FAT3: variants seen among roughly 807,000 people sequenced by gnomAD.
The protein encoded by FAT3 is protocadherin Fat 3.
Under a neutral mutation model 310.2 loss-of-function variants are expected in FAT3, and 95 were observed. The ratio of observed to expected loss-of-function variants is 0.31; its 90% CI spans 0.26 to 0.36. FAT3 has a LOEUF of 0.36. Ranked by LOEUF, FAT3 falls within the 10% of genes least tolerant of loss-of-function variation. FAT3 has a pLI of 1.00. For synonymous variants in FAT3, 2,314 were observed against 2,192.9 expected, an observed-to-expected ratio of 1.06 and a Z score of -1.54; for missense variants, 5,408 against 5,715.6, an observed-to-expected ratio of 0.95 and a Z score of 1.74.
chr11:92,433,176 G>A (rs1253258211), intron 2 of FAT3, among the ~76,000 whole-genome samples: 2 of 152,180 alleles, frequency 1.3e-5, no homozygotes, highest in African/African-American at 4.8e-5. Flanking sequence ...TGGCCCCATG[G>A]GGGTAGGATC....
chr11:92,684,467 A>G (rs1943573589), intron 3 of FAT3, among the ~76,000 whole-genome samples: 1 of 152,154 alleles, frequency 6.6e-6, no homozygotes, highest in Admixed American at 6.5e-5. Flanking sequence ...TGCACATTTC[A>G]GGTCTGCCAC....
chr11:92,488,199 A>G (rs1952483022), intron 2 of FAT3, among the ~76,000 whole-genome samples: 1 of 152,078 alleles, frequency 6.6e-6, no homozygotes, highest in South Asian at 2.1e-4. Context: ...TCACAGTCCT[A>G]TAACCACAAG....
chr11:92,848,442 C>T (rs868188595), intron 19 of FAT3, among the ~76,000 whole-genome samples: 5 of 152,250 alleles, frequency 3.3e-5, no homozygotes, highest in Middle Eastern at 3.4e-3. Context: ...TAGATGTCCT[C>T]GAGCCCGTAT....
intron 4 of FAT3, among the ~76,000 whole-genome samples, chr11:92,737,503 A>G (rs1050418798): frequency 2.6e-5 from 4 of 152,056 alleles, no homozygotes; most frequent in Admixed American, 6.6e-5. Flanking sequence ...GTGTGTGTAT[A>G]TATACATCAC....
rs529592397 is a variant in FAT3, at chr11:92,339,121, C to T, written c.-17-12975C>T. On this transcript the variant is annotated intron_variant, in intron 1 of 27. Transcript: ENST00000525166. ...CTTCCCAATATAGTTGAATTAGTTC[C>T]GCTAATCTAGGGTTTCTCAACTTCA... 1.3e-4 allele frequency among the ~76,000 whole-genome samples: 20 copies of T among 152,126 alleles called. No individual in the cohort carries two copies. In the South Asian group the frequency reaches 2.7e-3, roughly 21 times the overall value.
chr11:92,772,508 C>A (rs961891047), intron 6 of FAT3, among the ~76,000 whole-genome samples: 2 of 151,982 alleles, frequency 1.3e-5, no homozygotes. Context: ...AGCCTAGACT[C>A]CCCCCTCTCT....
chr11:92,247,184 A>T (rs1201353), intron 1 of FAT3, among the ~76,000 whole-genome samples: 13 of 151,754 alleles, frequency 8.6e-5, no homozygotes, highest in Admixed American at 7.9e-4. Context: ...GAGTGTAGTC[A>T]GGAATATAGG....
At chr11:92,603,737 A>T (rs983737932) in intron 3 of FAT3, among the ~76,000 whole-genome samples, 1 of 152,218 alleles carries the variant, frequency 6.6e-6, no homozygotes, top group Non-Finnish European at 1.5e-5. Context: ...GAAAAGCTGT[A>T]AACAGTCCAC....
intron 1 of FAT3, among the ~76,000 whole-genome samples, chr11:92,294,558 C>A (rs1946799407): frequency 6.6e-6 from 1 of 152,094 alleles, no homozygotes; most frequent in South Asian, 2.1e-4. Context: ...GATTTGTGAG[C>A]CTTGAGAGAC....
At chr11:92,247,970 A>T (rs909560385) in intron 1 of FAT3, among the ~76,000 whole-genome samples, 3 of 151,974 alleles carry the variant, frequency 2.0e-5, no homozygotes, top group African/African-American at 7.2e-5. Context: ...ACACAGCAAG[A>T]CCCTGTCTCA....
At chr11:92,641,510 T>G (rs1941962567) in intron 3 of FAT3, among the ~76,000 whole-genome samples, 1 of 152,142 alleles carries the variant, frequency 6.6e-6, no homozygotes. Context: ...TCCTCCAGCT[T>G]CCAGTGGCTC....
intron 1 of FAT3, among the ~76,000 whole-genome samples, chr11:92,246,949 G>T (rs1450920835): frequency 1.3e-5 from 2 of 152,098 alleles, no homozygotes; most frequent in Non-Finnish European, 2.9e-5. Flanking sequence ...GGTGGAGAAA[G>T]AAATGAAACT....
intron 2 of FAT3, among the ~76,000 whole-genome samples, chr11:92,372,188 A>C (rs2134720985): frequency 6.6e-6 from 1 of 152,222 alleles, no homozygotes; most frequent in East Asian, 1.9e-4. Flanking sequence ...GGGAAGTACT[A>C]GTGGGAAGCT....
rs114842650 is a variant in FAT3 at position 92,699,681 on chromosome 11, C to T, written c.3669+2236C>T. Among the ~76,000 whole-genome samples the T allele has an allele frequency of 1.7e-3, 257 of 152,248 alleles. 1 individual carries two copies. Among genetic ancestry groups the T allele is most frequent in the African/African-American group, 5.9e-3 (246 of 41,558 alleles). ...TTGAGCATTTTGGAATTTGGGTTTT[C>T]ACATTAGGGATATTCAACTTGTATC... On this transcript the variant is annotated intron_variant, in intron 4 of 27. Transcript: ENST00000525166.
chr11:92,889,994 C>T (rs1401223077), intron 27 of FAT3, 103 bp downstream of exon 27: 7 of 716,756 alleles, frequency 9.8e-6, no homozygotes, highest in African/African-American at 1.7e-5. Flanking sequence ...CTGAATTTTG[C>T]ATGTCTCAGG....
At chr11:92,585,555 G>T (rs578717) in intron 3 of FAT3, among the ~76,000 whole-genome samples, 1 of 151,846 alleles carries the variant, frequency 6.6e-6, no homozygotes, top group Non-Finnish European at 1.5e-5. Context: ...ACAAAGCACC[G>T]GTGCAGCTCC....
chr11:92,245,161 TA>T (rs1454732865), intron 1 of FAT3, among the ~76,000 whole-genome samples: 49 of 152,020 alleles, frequency 3.2e-4, no homozygotes, highest in African/African-American at 5.3e-4. Context: ...TATGCAGCCA[TA>T]AAAAAAGGAT....
rs185418847 is a variant in FAT3 at position 92,451,203 on chromosome 11, C to T, written c.3293-73431C>T. ...CCTTCTTCACCAAGAGTTACCCACTCGCCTTGTGTGGTGAAGAAGGGTTTC... is the reference window on the plus strand; with the variant it reads ...CCTTCTTCACCAAGAGTTACCCACTTGCCTTGTGTGGTGAAGAAGGGTTTC... On this transcript the variant is annotated intron_variant, in intron 2 of 27. Transcript: ENST00000525166. Among the ~76,000 whole-genome samples, 234 of 152,252 alleles carry T rather than the reference C, an allele frequency of 1.5e-3. 1 individual carries two copies. Among genetic ancestry groups the T allele is most frequent in the Middle Eastern group, 3.4e-3 (1 of 294 alleles).
At position 92,843,918 on chromosome 11, in the gene FAT3, C is replaced by G. The variant is rs79634617; in HGVS notation, c.10567-16C>G. On this transcript the variant is annotated splice_polypyrimidine_tract_variant and intron_variant, in intron 18 of 27. Transcript: ENST00000525166. ...TTTTCTTCCTTTGTTGCCTTTTCAC[C>G]TCTTGGTTGTTTTAGGCAAAGGATT... 6.4e-7 allele frequency: 1 copy of G among 1,572,344 alleles called. No individual in the cohort carries two copies. The highest frequency in any genetic ancestry group is 8.6e-7 in the Non-Finnish European group (1 of 1,159,504).
Sources: allele counts gnomAD v4.1 joint callset (sites outside exome capture counted in the v4.1 genomes callset), GRCh38; gene constraint gnomAD v4.1.1; transcripts MANE v1.5; gene names NCBI Gene and HGNC (gene_info 2026-07-23, HGNC 2026-07-21).